The following RALGAPA2 variants were observed in gnomAD, a reference collection of about 807,000 sequenced individuals.
RALGAPA2 encodes ral GTPase-activating protein subunit alpha-2.
A neutral mutation model predicts 230.4 loss-of-function variants in RALGAPA2; 139 were observed. The ratio of observed to expected loss-of-function variants is 0.60; its 90% CI spans 0.53 to 0.69. The LOEUF is 0.69. Among genes scored for constraint, RALGAPA2 ranks in the 30% least tolerant of loss-of-function variants. The pLI is 0.00. For synonymous variants in RALGAPA2, 847 were observed against 837.8 expected (o/e 1.01, Z -0.19); for missense variants, 2,163 against 2,276.0 (o/e 0.95, Z 1.01).
At chr20:20,450,753 G>A (rs780395047) in intron 37 of RALGAPA2, among the ~76,000 whole-genome samples, 2 of 152,216 alleles carry the variant, frequency 1.3e-5, no homozygotes, top group Non-Finnish European at 2.9e-5. Context: ...ATCAGCCTGC[G>A]CTTTTGCACA....
At chr20:20,461,991 G>T (rs1280940782) in intron 37 of RALGAPA2, among the ~76,000 whole-genome samples, 1 of 152,176 alleles carries the variant, frequency 6.6e-6, no homozygotes, top group Non-Finnish European at 1.5e-5. Context: ...AAAGCTTTGT[G>T]CTGGAGAGTT....
At position 20,619,317 on chromosome 20, in the gene RALGAPA2, T is replaced by G; in HGVS notation, c.1499A>C (p.Glu500Ala). The G allele has an allele frequency of 6.2e-7, 1 of 1,611,308 alleles. No individual in the cohort carries two copies. Among genetic ancestry groups the G allele is most frequent in the African/African-American group, 1.3e-5 (1 of 75,006 alleles). The change falls in exon 12 of 40, where the codon GAA becomes GCA. Residue 500 changes from glutamate to alanine, a missense_variant. Physicochemically the swap from Glu to Ala is moderately radical, Grantham distance 107 (BLOSUM62 -1). Coordinates refer to ENST00000202677, the MANE Select transcript of RALGAPA2 (RefSeq NM_020343.4). The part of the protein sequence containing the change: ...AMSRGCVTEE[E>A]NTNVKAGVQA... ...GACGCCGGCTTTCACATTTGTATTT[T>G]CCTCCTCTGTCACACACCCTCTGCT...
intron 16 of RALGAPA2, among the ~76,000 whole-genome samples, chr20:20,593,202 C>T (rs1162295548): frequency 6.6e-6 from 1 of 152,234 alleles, no homozygotes; most frequent in East Asian, 1.9e-4. Flanking sequence ...GGTGCCCAGC[C>T]CACAGTCTAA....
chr20:20,694,674 T>C (rs1268204647), intron 1 of RALGAPA2, among the ~76,000 whole-genome samples: 2 of 152,206 alleles, frequency 1.3e-5, no homozygotes, highest in Non-Finnish European at 2.9e-5. Flanking sequence ...AATTCTTCAC[T>C]TACTGATGTG....
rs532842442 is a variant in RALGAPA2, at chr20:20,712,129, C to T, written c.106+246G>A. Among the ~76,000 whole-genome samples the T allele has an allele frequency of 1.2e-3, 187 of 152,238 alleles. 1 individual carries two copies. Among genetic ancestry groups the T allele is most frequent in the African/African-American group, 4.2e-3 (173 of 41,568 alleles). On this transcript the variant is annotated intron_variant, in intron 1 of 39. Coordinates refer to ENST00000202677, the MANE Select transcript of RALGAPA2 (RefSeq NM_020343.4). This position sits in a 1 kb window ranked among gnomAD's most constrained non-coding sequence, Gnocchi z 5.5. ...CCGGCCTCCAGGTTCTCCGGGAGCGCAGGCGCCCAGCGAGAATCTGGGCTA... is the reference window on the plus strand; with the variant it reads ...CCGGCCTCCAGGTTCTCCGGGAGCGTAGGCGCCCAGCGAGAATCTGGGCTA...
intron 4 of RALGAPA2, among the ~76,000 whole-genome samples, chr20:20,651,907 T>G (rs2067412031): frequency 6.6e-6 from 1 of 152,218 alleles, no homozygotes; most frequent in African/African-American, 2.4e-5. Context: ...CCATGATGTC[T>G]CTTTGGATTA....
chr20:20,687,831 C>T (rs2068760507), intron 1 of RALGAPA2, among the ~76,000 whole-genome samples: 1 of 152,146 alleles, frequency 6.6e-6, no homozygotes, highest in African/African-American at 2.4e-5. Context: ...ACATCATCCC[C>T]TCCATTAAAG....
At chr20:20,689,424 A>C (rs927024428) in intron 1 of RALGAPA2, among the ~76,000 whole-genome samples, 2 of 152,204 alleles carry the variant, frequency 1.3e-5, no homozygotes, top group Non-Finnish European at 2.9e-5. Flanking sequence ...CGGGCAGATC[A>C]CGAGGTCAAA....
At chr20:20,684,018 C>CACTACTTTGGA (rs1195034481) in intron 1 of RALGAPA2, among the ~76,000 whole-genome samples, 1 of 152,190 alleles carries the variant, frequency 6.6e-6, no homozygotes, top group African/African-American at 2.4e-5. Context: ...TGGGCTAAAG[C>CACTACTTTGGA]ACTACTTTGG....
chr20:20,626,015 C>T (rs1458999430), intron 10 of RALGAPA2, among the ~76,000 whole-genome samples: 1 of 152,160 alleles, frequency 6.6e-6, no homozygotes, highest in Non-Finnish European at 1.5e-5. Context: ...AATAGCTCAC[C>T]AGCATTTATT....
At chr20:20,532,062 T>C (rs2063381505) in intron 26 of RALGAPA2, among the ~76,000 whole-genome samples, 1 of 152,208 alleles carries the variant, frequency 6.6e-6, no homozygotes, top group Non-Finnish European at 1.5e-5. Flanking sequence ...AGCCCATATA[T>C]ATCACTTAGT....
chr20:20,584,901 G>T lies in RALGAPA2; in HGVS notation c.2494C>A (p.Gln832Lys). Residue 832 changes from glutamine (Q) to lysine (K), a missense_variant, in exon 19 of 40, where the codon CAG (glutamine) becomes AAG (lysine). Transcript: ENST00000202677. ...TCCCTACATTTTCCTTGTGTCTGCT[G>T]CAAATCATCTTTCAAATCCAATTCA... ...PAELDLKDDLQQTQGKCRERQ... is the reference protein window; with the variant it reads ...PAELDLKDDLKQTQGKCRERQ... 1 of 1,611,798 alleles carries T rather than the reference G, an allele frequency of 6.2e-7. No individual in the cohort carries two copies. Among genetic ancestry groups the T allele is most frequent in the Non-Finnish European group, 8.5e-7 (1 of 1,178,670 alleles).
intron 23 of RALGAPA2, among the ~76,000 whole-genome samples, chr20:20,569,316 A>G (rs982991063): frequency 1.3e-5 from 2 of 152,196 alleles, no homozygotes; most frequent in Non-Finnish European, 2.9e-5. Flanking sequence ...TCTAAAATAT[A>G]TAACAATAAT....
chr20:20,502,892 C>T lies in RALGAPA2; in HGVS notation c.5208+459G>A, dbSNP rs148982361. On this transcript the variant is annotated intron_variant, in intron 35 of 39. Coordinates refer to ENST00000202677, the MANE Select transcript of RALGAPA2 (RefSeq NM_020343.4). ...AGGTTGGAAAGTAAAGGCCAAGTTC[C>T]CTGGGGGAGGTTCCTCAGGGGTGGA... 7.4e-3 allele frequency among the ~76,000 whole-genome samples: 1,123 copies of T among 152,276 alleles called. 11 individuals are homozygous for T. Among genetic ancestry groups the T allele is most frequent in the African/African-American group, 0.026 (1,073 of 41,534 alleles).
At chr20:20,515,116 A>G (rs775238475) in intron 31 of RALGAPA2, among the ~76,000 whole-genome samples, 35 of 152,212 alleles carry the variant, frequency 2.3e-4, no homozygotes, top group Non-Finnish European at 2.9e-4. Context: ...CATTCCATGG[A>G]CCACTCCATT....
At chr20:20,686,476 G>A (rs185607968) in intron 1 of RALGAPA2, among the ~76,000 whole-genome samples, 32 of 151,436 alleles carry the variant, frequency 2.1e-4, no homozygotes, top group Admixed American at 2.0e-3. Context: ...AACCTGGGAG[G>A]AGCCGAGATC....
chr20:20,647,171 C>T (rs954992843), intron 4 of RALGAPA2, among the ~76,000 whole-genome samples: 1 of 151,988 alleles, frequency 6.6e-6, no homozygotes, highest in African/African-American at 2.4e-5. Context: ...ATTTTTAAGG[C>T]CAGGAGATCA....
chr20:20,437,018 C>T lies in RALGAPA2; in HGVS notation c.5496-24870G>A, dbSNP rs1002500309. Among the ~76,000 whole-genome samples, 2 of 152,198 alleles carry T rather than the reference C, an allele frequency of 1.3e-5. No individual in the cohort carries two copies. Among genetic ancestry groups the T allele is most frequent in the Admixed American group, 6.5e-5 (1 of 15,284 alleles). On this transcript the variant is annotated intron_variant, in intron 37 of 39. Coordinates refer to ENST00000202677, the MANE Select transcript of RALGAPA2 (RefSeq NM_020343.4). The surrounding 1 kb of genome is among the most constrained non-coding windows in gnomAD (Gnocchi z 4.1). ...GAGCTCTGAATGCTGCCGGTGGGAC[C>T]TTGGCAAGGTCCCCATCCTCCCTGG...
chr20:20,589,215 CTAAT>C lies in RALGAPA2; in HGVS notation c.2439+49_2439+52del. 8 of 1,502,992 alleles carry C rather than the reference CTAAT, an allele frequency of 5.3e-6. No homozygotes were observed. In the South Asian group the frequency reaches 5.4e-5, roughly 10 times the overall value. The allele number at this position is 1,502,992 out of a possible 1,614,324, so 93.1% of individuals were successfully genotyped here. A position where few individuals can be genotyped will look rare whatever the true frequency, so the allele number is the denominator to read the frequency against. On this transcript the variant is annotated intron_variant, in intron 18 of 39. Transcript: ENST00000202677. ...CACCAATAAATTTACTTACTGAGCA[CTAAT>C]TAATGTTTATTTTTAATGACAAACT...
Sources: gnomAD v4.1 joint callset for allele counts (sites outside exome capture counted in the v4.1 genomes callset) on GRCh38, gnomAD v4.1.1 for gene constraint, Gnocchi (gnomAD v3.1) non-coding constraint, MANE v1.5 for transcripts, NCBI Gene and HGNC (gene_info 2026-07-23, HGNC 2026-07-21) for gene names.